The following HDX variants were observed in gnomAD, a reference collection of about 807,000 sequenced individuals.
The protein encoded by HDX is highly divergent homeobox, also known as chromosome X open reading frame 43.
HDX carries 19 observed loss-of-function variants against 45.2 expected under a neutral mutation model. The observed-to-expected ratio is 0.42, with a 90% confidence interval of 0.29 to 0.62. HDX has a LOEUF of 0.62. Ranked by LOEUF, HDX falls within the 20% of genes least tolerant of loss-of-function variation. The probability of loss-of-function intolerance (pLI) is 0.20; values close to 1 mark genes in which losing one functional copy is unlikely to be tolerated. For synonymous variants in HDX, 188 were observed against 172.8 expected (o/e 1.09, Z -0.69); for missense variants, 532 against 493.9 (o/e 1.08, Z -0.73).
At chrX:84,500,083 C>G (rs2041087286) in intron 1 of HDX, 1 of 111,199 alleles carries the variant, frequency 9.0e-6, no homozygotes, top group South Asian at 3.8e-4. Context: ...CAGACAGAAC[C>G]TCTTCTGGGA....
At chrX:84,345,392 T>C (rs2147803178) in intron 6 of HDX, among the ~76,000 whole-genome samples, 1 of 111,597 alleles carries the variant, frequency 9.0e-6, no homozygotes, top group Non-Finnish European at 1.9e-5. Flanking sequence ...TCATGCAGCA[T>C]GTGACCTTTT....
At position 84,321,396 on chromosome X, in the gene HDX, A is replaced by C. The variant is rs2036595310; in HGVS notation, c.*493T>G. ...TCATAGGGGTTAAAAACTAAATCAG[A>C]GAACTCATTAAATAATGAGTTAAAT... On this transcript the variant is annotated 3_prime_UTR_variant, in exon 11 of 11. Coordinates refer to ENST00000373177, the MANE Select transcript of HDX (RefSeq NM_001177479.2). The C allele has an allele frequency of 9.0e-6, 1 of 110,805 alleles. No homozygotes were observed. Among genetic ancestry groups the C allele is most frequent in the Admixed American group, 9.6e-5 (1 of 10,377 alleles). The allele number at this position is 110,805 out of a possible 1,213,427, so 9.1% of individuals were successfully genotyped here.
chrX:84,488,324 AACACACACACACACACACAC>A (rs200905875), intron 1 of HDX, among the ~76,000 whole-genome samples, 192 bp from the exon 2 acceptor site: 15 of 94,874 alleles, frequency 1.6e-4, no homozygotes, highest in African/African-American at 5.6e-4. Flanking sequence ...TAAAATCTAA[AACACACACACACACACACAC>A]ACACACACAC....
At chrX:84,359,597 G>C (rs2037569690) in intron 6 of HDX, among the ~76,000 whole-genome samples, 1 of 111,689 alleles carries the variant, frequency 9.0e-6, no homozygotes, top group African/African-American at 3.3e-5. Flanking sequence ...TATCACTGAT[G>C]GACATGTGGG....
At chrX:84,400,106 C>A (rs1394738124) in intron 5 of HDX, among the ~76,000 whole-genome samples, 1 of 110,345 alleles carries the variant, frequency 9.1e-6, no homozygotes, top group Non-Finnish European at 1.9e-5. Flanking sequence ...CAGCCAATAT[C>A]ATATTGAATG....
chrX:84,473,759 T>C (rs746204263), intron 3 of HDX, among the ~76,000 whole-genome samples: 5 of 103,302 alleles, frequency 4.8e-5, no homozygotes, highest in African/African-American at 1.8e-4. Flanking sequence ...CATTTTAAGG[T>C]AATGACAAGA....
intron 9 of HDX, among the ~76,000 whole-genome samples, chrX:84,332,583 G>GCACTAAGAAGAGCA (rs962254428): frequency 9.0e-6 from 1 of 110,984 alleles, no homozygotes; most frequent in Admixed American, 9.6e-5. Flanking sequence ...GCTAAGAGGA[G>GCACTAAGAAGAGCA]CACTCTTAAC....
chrX:84,446,061 C>T (rs1053661836), intron 4 of HDX, among the ~76,000 whole-genome samples: 9 of 111,013 alleles, frequency 8.1e-5, no homozygotes, highest in Non-Finnish European at 1.5e-4. Flanking sequence ...AAACCAAATT[C>T]GTCCTACTGA....
chrX:84,446,513 C>A (rs2039876480), intron 4 of HDX, among the ~76,000 whole-genome samples: 1 of 110,848 alleles, frequency 9.0e-6, no homozygotes, highest in African/African-American at 3.3e-5. Context: ...CATGTTGAAC[C>A]AAAAGATAGG....
chrX:84,468,321 A>G, intron 4 of HDX, 151 bp downstream of exon 4: 1 of 373,500 alleles, frequency 2.7e-6, no homozygotes. Flanking sequence ...GAAACAAAGA[A>G]CAAGATTCTT....
intron 4 of HDX, among the ~76,000 whole-genome samples, chrX:84,452,496 A>G (rs1236849811): frequency 9.1e-6 from 1 of 109,588 alleles, no homozygotes. Flanking sequence ...AATGAAAGAA[A>G]TTGAAGAAGA....
At chrX:84,339,231 C>A (rs974889803) in intron 7 of HDX, among the ~76,000 whole-genome samples, 6 of 111,282 alleles carry the variant, frequency 5.4e-5, no homozygotes, top group Non-Finnish European at 9.5e-5. Context: ...ACAGAGGAGC[C>A]TTTACCTACT....
intron 4 of HDX, among the ~76,000 whole-genome samples, chrX:84,451,916 G>A (rs1388574247): frequency 9.0e-6 from 1 of 111,220 alleles, no homozygotes; most frequent in Non-Finnish European, 1.9e-5. Context: ...ATAAAATGAA[G>A]GACAAAAGCC....
chrX:84,488,132 G>A lies in HDX; in HGVS notation c.-109C>T, dbSNP rs1242562708. ...CTTAAAATTTTGTCCAGAGATTGTA[G>A]CTGTAATAATCAGGAGAGAAGGTTA... On this transcript the variant is annotated splice_region_variant and 5_prime_UTR_variant, in exon 2 of 11. Transcript: ENST00000373177. The A allele has an allele frequency of 2.7e-5, 3 of 111,487 alleles. No homozygotes were observed. The highest frequency in any genetic ancestry group is 3.8e-5 in the Non-Finnish European group (2 of 53,110). The allele number at this position is 111,487 out of a possible 1,213,427, so 9.2% of individuals were successfully genotyped here. A position where few individuals can be genotyped will look rare whatever the true frequency, so the allele number is the denominator to read the frequency against.
chrX:84,362,660 G>A (rs1398042830), intron 5 of HDX, among the ~76,000 whole-genome samples: 1 of 110,701 alleles, frequency 9.0e-6, no homozygotes, highest in Admixed American at 9.8e-5. Context: ...GGGTTCTGTT[G>A]CGTTCTTCTG....
At chrX:84,429,279 TG>T (rs61346031) in intron 5 of HDX, among the ~76,000 whole-genome samples, 43,214 of 109,049 alleles carry the variant, frequency 0.4, 7,040 homozygotes, top group Middle Eastern at 0.56. Flanking sequence ...GTAGGGAAAA[TG>T]ATATCTTAGC....
intron 5 of HDX, among the ~76,000 whole-genome samples, chrX:84,416,942 G>A (rs2039116456): frequency 9.1e-6 from 1 of 109,574 alleles, no homozygotes; most frequent in Admixed American, 9.8e-5. Flanking sequence ...ATCACTTGAG[G>A]TCAGGAATTC....
intron 5 of HDX, among the ~76,000 whole-genome samples, chrX:84,389,495 G>T (rs1291750913): frequency 9.0e-6 from 1 of 111,210 alleles, no homozygotes; most frequent in Non-Finnish European, 1.9e-5. Flanking sequence ...CTCCAGAGCT[G>T]CATGCCACAG....
intron 4 of HDX, among the ~76,000 whole-genome samples, chrX:84,442,092 A>T (rs1390217807): frequency 9.0e-6 from 1 of 111,196 alleles, no homozygotes; most frequent in Non-Finnish European, 1.9e-5. Context: ...ACTATGCTTT[A>T]TCATAGGACA....
Sources: gnomAD v4.1 joint callset for allele counts (sites outside exome capture counted in the v4.1 genomes callset) on GRCh38, gnomAD v4.1.1 for gene constraint, MANE v1.5 for transcripts, NCBI Gene and HGNC (gene_info 2026-07-23, HGNC 2026-07-21) for gene names.